BRMS1L: variants seen among roughly 807,000 people sequenced by gnomAD.
BRMS1L encodes the protein breast cancer metastasis-suppressor 1-like protein.
In BRMS1L, 23 loss-of-function variants were observed where a neutral mutation model predicts 50.3. The observed-to-expected ratio is 0.46, with a 90% CI of 0.33 to 0.65. The LOEUF is 0.65. BRMS1L is among the 30% of genes least tolerant of loss of function. The pLI, the probability that BRMS1L is intolerant of heterozygous loss-of-function variation, is 0.02. For synonymous variants in BRMS1L, 114 were observed against 126.9 expected (o/e 0.90, Z 0.69); for missense variants, 286 against 386.1 (o/e 0.74, Z 2.17).
chr14:35,866,934 T>C (rs1413558911), intron 8 of BRMS1L, among the ~76,000 whole-genome samples: 2 of 152,178 alleles, frequency 1.3e-5, no homozygotes, highest in Admixed American at 6.5e-5. Context: ...CCTATTAGTT[T>C]TACTCATAGC....
chr14:35,836,317 A>G lies in BRMS1L; in HGVS notation c.441+1394A>G, dbSNP rs117759612. Among the ~76,000 whole-genome samples, 30 of 152,210 alleles carry G rather than the reference A, an allele frequency of 2.0e-4. No homozygotes were observed. In the East Asian group the frequency reaches 4.4e-3, roughly 23 times the overall value. ...ACATTTTAATGTAGTTGAATTTATT[A>G]TCTTTTTATTTATGGGATGTGTTTT... is the stretch of plus-strand genomic sequence containing the variant. On this transcript the variant is annotated intron_variant, in intron 4 of 9. Coordinates refer to ENST00000216807, the MANE Select transcript of BRMS1L (RefSeq NM_032352.4).
intron 8 of BRMS1L, among the ~76,000 whole-genome samples, chr14:35,866,408 A>G (rs988262789): frequency 6.6e-6 from 1 of 152,180 alleles, no homozygotes; most frequent in Admixed American, 6.5e-5. Context: ...TAAGAGACCA[A>G]TTTCTGTTTA....
chr14:35,838,760 C>G (rs909250107), intron 4 of BRMS1L, among the ~76,000 whole-genome samples: 1 of 152,070 alleles, frequency 6.6e-6, no homozygotes, highest in Non-Finnish European at 1.5e-5. Context: ...CTTGTAGATT[C>G]TGGATATTAG....
intron 2 of BRMS1L, 24 bp downstream of exon 2, chr14:35,831,524 A>T (rs764494959): frequency 1.9e-6 from 3 of 1,543,396 alleles, no homozygotes; most frequent in East Asian, 4.5e-5. Flanking sequence ...TTAGAAGGCC[A>T]TTGTCACTGA....
chr14:35,835,898 G>A (rs2077985880), intron 4 of BRMS1L, among the ~76,000 whole-genome samples: 1 of 152,086 alleles, frequency 6.6e-6, no homozygotes, highest in Non-Finnish European at 1.5e-5. Context: ...TGCCCGTTTT[G>A]CAGATAACTT....
chr14:35,859,192 C>G (rs1474492110), intron 4 of BRMS1L, among the ~76,000 whole-genome samples: 3 of 152,122 alleles, frequency 2.0e-5, no homozygotes, highest in Non-Finnish European at 4.4e-5. Flanking sequence ...GATCCGCCAG[C>G]CTCAGCCTCC....
At chr14:35,850,154 C>A (rs1418671456) in intron 4 of BRMS1L, among the ~76,000 whole-genome samples, 1 of 150,800 alleles carries the variant, frequency 6.6e-6, no homozygotes, top group Non-Finnish European at 1.5e-5. Context: ...GATATTATTG[C>A]CTTTTCAGAT....
At chr14:35,846,843 T>G (rs75211990) in intron 4 of BRMS1L, among the ~76,000 whole-genome samples, 1 of 152,206 alleles carries the variant, frequency 6.6e-6, no homozygotes, top group Admixed American at 6.5e-5. Context: ...CATAACACAT[T>G]CAATTAATTT....
chr14:35,866,437 A>G (rs1292775232), intron 8 of BRMS1L, among the ~76,000 whole-genome samples: 3 of 152,370 alleles, frequency 2.0e-5, no homozygotes, highest in Admixed American at 6.5e-5. Context: ...ATGGTGGCTC[A>G]TGCCTAGCAT....
intron 4 of BRMS1L, among the ~76,000 whole-genome samples, chr14:35,848,073 A>C (rs2078160300): frequency 6.6e-6 from 1 of 152,322 alleles, no homozygotes; most frequent in East Asian, 1.9e-4. Flanking sequence ...AATACCCAGA[A>C]GTGGGATTGC....
At chr14:35,854,924 A>G (rs1175729566) in intron 4 of BRMS1L, among the ~76,000 whole-genome samples, 2 of 152,256 alleles carry the variant, frequency 1.3e-5, no homozygotes, top group African/African-American at 4.8e-5. Context: ...TTGAATTTCA[A>G]GTACATAGAG....
At chr14:35,848,317 C>T (rs1336229088) in intron 4 of BRMS1L, among the ~76,000 whole-genome samples, 1 of 152,070 alleles carries the variant, frequency 6.6e-6, no homozygotes, top group Admixed American at 6.6e-5. Context: ...AGCAAGTTTC[C>T]AGTATACAAT....
At chr14:35,841,612 A>G (rs536350581) in intron 4 of BRMS1L, among the ~76,000 whole-genome samples, 2 of 152,282 alleles carry the variant, frequency 1.3e-5, no homozygotes, top group African/African-American at 4.8e-5. Flanking sequence ...GGTCAATTTT[A>G]TAATAAGTAT....
intron 4 of BRMS1L, among the ~76,000 whole-genome samples, chr14:35,848,068 C>A (rs1244560087): frequency 6.6e-6 from 1 of 151,954 alleles, no homozygotes; most frequent in Non-Finnish European, 1.5e-5. Flanking sequence ...GGTTTAATAC[C>A]CAGAAGTGGG....
intron 3 of BRMS1L, among the ~76,000 whole-genome samples, chr14:35,834,473 A>G (rs1201339217): frequency 6.6e-6 from 1 of 152,172 alleles, no homozygotes; most frequent in Non-Finnish European, 1.5e-5. Flanking sequence ...AGTATATGTG[A>G]TTGATGACAC....
chr14:35,834,740 C>A, intron 3 of BRMS1L, 104 bp from the exon 4 acceptor site: 1 of 696,664 alleles, frequency 1.4e-6, no homozygotes, highest in Non-Finnish European at 2.1e-6. Flanking sequence ...TCAATTTTTT[C>A]TTGATCCATC....
intron 4 of BRMS1L, among the ~76,000 whole-genome samples, chr14:35,857,918 T>A (rs566960075): frequency 8.6e-5 from 13 of 151,844 alleles, no homozygotes; most frequent in South Asian, 2.1e-4. Context: ...TTTTTTTTTT[T>A]AATTAAGCTA....
Position 35,867,891 on chromosome 14 carries a change from A to C in BRMS1L, c.728-15A>C, listed in dbSNP as rs2078441769. The C allele has an allele frequency of 6.4e-7, 1 of 1,566,292 alleles. No individual in the cohort carries two copies. Among genetic ancestry groups the C allele is most frequent in the African/African-American group, 1.4e-5 (1 of 71,966 alleles). On this transcript the variant is annotated splice_polypyrimidine_tract_variant and intron_variant, in intron 8 of 9. Coordinates refer to ENST00000216807, the MANE Select transcript of BRMS1L (RefSeq NM_032352.4). ...TGTTTTATTAATATAACAGTTTTTG[A>C]ACTGATCCCTTTAGCACCTGTGAAA...
chr14:35,829,841 T>G (rs778288618), intron 1 of BRMS1L: 8 of 1,258,466 alleles, frequency 6.4e-6, no homozygotes, highest in Admixed American at 2.7e-5. Context: ...ATTTTGTGCT[T>G]CAGTTATTTT....
Sources: gnomAD v4.1 joint callset for allele counts (sites outside exome capture counted in the v4.1 genomes callset) on GRCh38, gnomAD v4.1.1 for gene constraint, MANE v1.5 for transcripts, NCBI Gene and HGNC (gene_info 2026-07-23, HGNC 2026-07-21) for gene names.